BARX2: variants seen among roughly 807,000 people sequenced by gnomAD.
The protein encoded by BARX2 is homeobox protein BarH-like 2.
In BARX2, 11 loss-of-function variants were observed where a neutral mutation model predicts 25.5. That is an observed-to-expected ratio of 0.43 (90% CI 0.27 to 0.71). BARX2 has a LOEUF of 0.71. BARX2 is among the 30% of genes least tolerant of loss of function. BARX2 has a pLI of 0.19. For missense variants in BARX2, 360 were observed against 359.9 expected (o/e 1.00, Z 0.00); for synonymous variants, 137 against 149.5 (o/e 0.92, Z 0.61).
chr11:129,408,090 C>T lies in BARX2; in HGVS notation c.188-28661C>T, dbSNP rs146090081. 1.2e-4 allele frequency among the ~76,000 whole-genome samples: 17 copies of T among 147,018 alleles called. No homozygotes were observed. The East Asian group carries it at 3.2e-3, about 28-fold the overall frequency. ...AGCTAACCAAGTGAAGAAGGAGAAG[C>T]GGGCAAACAGAACAACCTCTGCAGG... On this transcript the variant is annotated intron_variant, in intron 1 of 3. Transcript: ENST00000281437.
intron 1 of BARX2, among the ~76,000 whole-genome samples, chr11:129,433,811 T>G (rs1226796929): frequency 6.6e-6 from 1 of 152,202 alleles, no homozygotes; most frequent in Non-Finnish European, 1.5e-5. Context: ...TTCATCATAG[T>G]TTATCACTAC....
chr11:129,432,393 A>G (rs1369611574), intron 1 of BARX2, among the ~76,000 whole-genome samples: 1 of 152,232 alleles, frequency 6.6e-6, no homozygotes, highest in Admixed American at 6.5e-5. Flanking sequence ...ATTTCTCCAC[A>G]TTAAATGATG....
At chr11:129,419,036 G>A (rs1442449018) in intron 1 of BARX2, among the ~76,000 whole-genome samples, 4 of 152,160 alleles carry the variant, frequency 2.6e-5, no homozygotes, top group East Asian at 3.9e-4. Flanking sequence ...CCAAAGCTGC[G>A]CACATGAGGT....
chr11:129,386,079 A>G (rs1655828604), intron 1 of BARX2, among the ~76,000 whole-genome samples: 1 of 152,216 alleles, frequency 6.6e-6, no homozygotes, highest in African/African-American at 2.4e-5. Flanking sequence ...GGTATTATTT[A>G]TCACCAAGAT....
chr11:129,381,556 T>G (rs1441212403), intron 1 of BARX2, among the ~76,000 whole-genome samples: 1 of 152,228 alleles, frequency 6.6e-6, no homozygotes. Context: ...CTTTGCTACA[T>G]ACAACTCAAA....
At chr11:129,394,453 G>C (rs1007537991) in intron 1 of BARX2, among the ~76,000 whole-genome samples, 3 of 152,170 alleles carry the variant, frequency 2.0e-5, no homozygotes, top group Non-Finnish European at 4.4e-5. Flanking sequence ...TGAACAAACA[G>C]ATGTAGTTTT....
chr11:129,412,747 T>G (rs1289444709), intron 1 of BARX2, among the ~76,000 whole-genome samples: 1 of 152,196 alleles, frequency 6.6e-6, no homozygotes, highest in Non-Finnish European at 1.5e-5. Flanking sequence ...TATGGAAAGC[T>G]GCTTCTGTCT....
rs574405199 is a variant in BARX2 at position 129,426,137 on chromosome 11, A to G, written c.188-10614A>G. On this transcript the variant is annotated intron_variant, in intron 1 of 3. Transcript: ENST00000281437. ...AATCTGTAGAGAGTGCATCTGTTTC[A>G]TTCACTCTTGCTGGACTAGAAACTT... Among the ~76,000 whole-genome samples the G allele has an allele frequency of 1.9e-4, 29 of 151,766 alleles. No individual in the cohort carries two copies. The East Asian group carries it at 4.5e-3, about 23-fold the overall frequency.
At chr11:129,408,566 C>T (rs149714817) in intron 1 of BARX2, among the ~76,000 whole-genome samples, 1 of 152,266 alleles carries the variant, frequency 6.6e-6, no homozygotes, top group East Asian at 1.9e-4. Flanking sequence ...TAAGCTTTTC[C>T]GTGTTTCTGG....
intron 1 of BARX2, among the ~76,000 whole-genome samples, chr11:129,409,859 T>A (rs1350637029): frequency 6.6e-6 from 1 of 152,216 alleles, no homozygotes; most frequent in East Asian, 1.9e-4. Context: ...CTTTTATTTA[T>A]AATTTCCTCC....
intron 3 of BARX2, among the ~76,000 whole-genome samples, chr11:129,447,236 T>A (rs1437799166): frequency 1.3e-5 from 2 of 152,186 alleles, no homozygotes; most frequent in African/African-American, 4.8e-5. Flanking sequence ...CTACCCAGGC[T>A]GCTTGGAGGG....
At chr11:129,447,826 A>G (rs972953353) in intron 3 of BARX2, among the ~76,000 whole-genome samples, 1 of 152,168 alleles carries the variant, frequency 6.6e-6, no homozygotes, top group Non-Finnish European at 1.5e-5. Flanking sequence ...ACATGGGGCA[A>G]CTTACTTTTG....
chr11:129,442,976 GGGCTGTTGGGAGGGA>G, intron 3 of BARX2, 57 bp downstream of exon 3: 1 of 1,510,154 alleles, frequency 6.6e-7, no homozygotes, highest in Non-Finnish European at 9.2e-7. Context: ...TTTTACTCCA[GGGCTGTTGGGAGGGA>G]GGCCGGACCA....
At chr11:129,389,866 A>T (rs1319244981) in intron 1 of BARX2, among the ~76,000 whole-genome samples, 1 of 152,292 alleles carries the variant, frequency 6.6e-6, no homozygotes, top group Middle Eastern at 3.4e-3. Context: ...CTAGTATATT[A>T]TTGGGTCTGT....
intron 1 of BARX2, among the ~76,000 whole-genome samples, chr11:129,400,753 G>T (rs1861766976): frequency 6.6e-6 from 1 of 152,134 alleles, no homozygotes; most frequent in Non-Finnish European, 1.5e-5. Context: ...GGAGGCTTCT[G>T]CCATCATCCA....
chr11:129,427,622 T>C (rs1426879893), intron 1 of BARX2, among the ~76,000 whole-genome samples: 1 of 152,162 alleles, frequency 6.6e-6, no homozygotes, highest in African/African-American at 2.4e-5. Flanking sequence ...ACTGGAAATG[T>C]GGGTGTGGAG....
chr11:129,382,520 A>G (rs1437477545), intron 1 of BARX2, among the ~76,000 whole-genome samples: 3 of 152,142 alleles, frequency 2.0e-5, no homozygotes, highest in Non-Finnish European at 2.9e-5. Flanking sequence ...CGTGCATGCT[A>G]TGGAGCCTGA....
At chr11:129,386,807 A>G (rs1333652391) in intron 1 of BARX2, among the ~76,000 whole-genome samples, 1 of 152,222 alleles carries the variant, frequency 6.6e-6, no homozygotes, top group Non-Finnish European at 1.5e-5. Context: ...AAGGGAAAGT[A>G]TTAGTGTGGA....
chr11:129,386,427 GA>G (rs1378839143), intron 1 of BARX2, among the ~76,000 whole-genome samples: 2 of 152,180 alleles, frequency 1.3e-5, no homozygotes, highest in African/African-American at 4.8e-5. Context: ...TTCTTAGCAG[GA>G]AAGAATAATG....
Sources: allele counts gnomAD v4.1 joint callset (sites outside exome capture counted in the v4.1 genomes callset), GRCh38; gene constraint gnomAD v4.1.1; transcripts MANE v1.5; gene names NCBI Gene and HGNC (gene_info 2026-07-23, HGNC 2026-07-21).